RBM39: variants seen among roughly 807,000 people sequenced by gnomAD.
The protein encoded by RBM39 is RNA binding motif protein 39, also known as RNA-binding protein 39.
RBM39 carries 12 observed loss-of-function variants against 79.6 expected under a neutral mutation model. The observed-to-expected ratio is 0.15, with a 90% CI of 0.10 to 0.24. The LOEUF is 0.24. RBM39 is among the 10% of genes least tolerant of loss of function. The pLI is 1.00. For synonymous variants in RBM39, 185 were observed against 208.4 expected (o/e 0.89, Z 0.97); for missense variants, 243 against 653.4 (o/e 0.37, Z 6.85).
At chr20:35,708,116 G>A (rs2035968457) in intron 13 of RBM39, 1 of 233,746 alleles carries the variant, frequency 4.3e-6, no homozygotes, top group Non-Finnish European at 9.0e-6. Context: ...ATAACTTTCT[G>A]GTAGCATTAC....
chr20:35,724,809 A>G, intron 7 of RBM39, 87 bp from the exon 8 acceptor site: 2 of 1,432,458 alleles, frequency 1.4e-6, no homozygotes. Context: ...GGATGAAGGT[A>G]TTTTTAAAAA....
At chr20:35,706,293 G>A (rs1053094470) in intron 14 of RBM39, among the ~76,000 whole-genome samples, 6 of 152,134 alleles carry the variant, frequency 3.9e-5, no homozygotes, top group Non-Finnish European at 7.3e-5. Context: ...GATAGAGCCG[G>A]TGGCGCCACT....
At chr20:35,739,503 T>C (rs778462531) in intron 2 of RBM39, 2 of 471,050 alleles carry the variant, frequency 4.2e-6, no homozygotes, top group Non-Finnish European at 8.8e-6. Context: ...CGTTGGAGGG[T>C]TGGGACTGTA....
intron 13 of RBM39, among the ~76,000 whole-genome samples, chr20:35,708,423 T>C (rs1260822342): frequency 6.6e-6 from 1 of 152,120 alleles, no homozygotes; most frequent in African/African-American, 2.4e-5. Flanking sequence ...AAACGTACTA[T>C]ACAAACATTC....
chr20:35,706,269 T>C (rs907282230), intron 14 of RBM39, among the ~76,000 whole-genome samples: 1 of 152,056 alleles, frequency 6.6e-6, no homozygotes, highest in Admixed American at 6.6e-5. Context: ...GAGATGGAGG[T>C]TGCAGTGAGC....
rs1449581528 is a variant in RBM39 at position 35,702,349 on chromosome 20, GCTGTTTTCTATGCACGACA to G, written c.*2113_*2131del. 6.6e-6 allele frequency: 1 copy of G among 152,220 alleles called. No individual in the cohort carries two copies. Among genetic ancestry groups the G allele is most frequent in the African/African-American group, 2.4e-5 (1 of 41,450 alleles). The allele number at this position is 152,220 out of a possible 1,614,324, so 9.4% of individuals were successfully genotyped here. A position where few individuals can be genotyped will look rare whatever the true frequency, so the allele number is the denominator to read the frequency against. ...ACATAAACAGTTTCACTCAGAATGA[GCTGTTTTCTATGCACGACA>G]CTATTCAAGTTACTACACTCCAACC... On this transcript the variant is annotated 3_prime_UTR_variant, in exon 17 of 17. Coordinates refer to ENST00000253363, the MANE Select transcript of RBM39 (RefSeq NM_184234.3).
At chr20:35,737,239 A>C (rs1484170456) in intron 3 of RBM39, among the ~76,000 whole-genome samples, 1 of 151,652 alleles carries the variant, frequency 6.6e-6, no homozygotes, top group Admixed American at 6.6e-5. Context: ...AAAGTACAAA[A>C]ATTAGCCAGG....
chr20:35,724,536 C>T (rs375951114), intron 8 of RBM39, 34 bp downstream of exon 8: 5 of 1,606,366 alleles, frequency 3.1e-6, no homozygotes, highest in Non-Finnish European at 3.4e-6. Flanking sequence ...TCAACACCAC[C>T]AATAATCAAA....
Position 35,716,821 on chromosome 20 carries a change from A to G in RBM39, c.826-16T>C, listed in dbSNP as rs1318387424. ...TACTTTCAATCTATAATTGAAAAGC[A>G]TAATTACTATAACTTAAAAGCAGAG... On this transcript the variant is annotated splice_polypyrimidine_tract_variant and intron_variant, in intron 9 of 16. Transcript: ENST00000253363. 1.9e-6 allele frequency: 3 copies of G among 1,553,926 alleles called. No individual in the cohort carries two copies. The highest frequency in any genetic ancestry group is 1.4e-5 in the African/African-American group (1 of 73,048).
chr20:35,740,788 G>A, intron 2 of RBM39, 36 bp downstream of exon 2: 1 of 1,580,994 alleles, frequency 6.3e-7, no homozygotes, highest in Non-Finnish European at 8.6e-7. Flanking sequence ...GCTAAATTAA[G>A]AAATATATAA....
In RBM39 at chr20:35,742,036, T is replaced by C. The variant is rs1422156461; in HGVS notation, c.-109A>G. 1.3e-5 allele frequency: 3 copies of C among 238,274 alleles called. No homozygotes were observed. The highest frequency in any genetic ancestry group is 5.0e-5 in the Admixed American group (1 of 20,094). The allele number at this position is 238,274 out of a possible 1,614,324, so 14.8% of individuals were successfully genotyped here. A position where few individuals can be genotyped will look rare whatever the true frequency, so the allele number is the denominator to read the frequency against. The stretch of plus-strand genomic sequence containing the variant: ...CCGCCGCCGCCGCTTCTGTTGCTAC[T>C]GTTAAGCCCCTAGGCCCAGGCCGCG... On this transcript the variant is annotated 5_prime_UTR_variant, in exon 1 of 17. Transcript: ENST00000253363.
intron 14 of RBM39, among the ~76,000 whole-genome samples, chr20:35,705,775 GT>G (rs1466270344): frequency 2.0e-5 from 3 of 149,118 alleles, no homozygotes; most frequent in Admixed American, 6.7e-5. Context: ...GCCAGCCTAG[GT>G]AACTCCGTCT....
At chr20:35,728,560 T>C (rs2146662972) in intron 6 of RBM39, among the ~76,000 whole-genome samples, 1 of 152,148 alleles carries the variant, frequency 6.6e-6, no homozygotes, top group Non-Finnish European at 1.5e-5. Context: ...GGGCAGATCA[T>C]GAGCTCAGGA....
rs1167521220 is a variant in RBM39 at position 35,718,453 on chromosome 20, ACTAT to A, written c.826-1652_826-1649del. On this transcript the variant is annotated intron_variant, in intron 9 of 16. Coordinates refer to ENST00000253363, the MANE Select transcript of RBM39 (RefSeq NM_184234.3). The stretch of plus-strand genomic sequence containing the variant: ...TGTAGGTGTGAGCTGACATGGGCAG[ACTAT>A]CTGAGCTCAGGAGTTCGAGACCAGC... Among the ~76,000 whole-genome samples, 260 of 152,218 alleles carry A rather than the reference ACTAT, an allele frequency of 1.7e-3. 5 individuals carry two copies. Among genetic ancestry groups the A allele is most frequent in the Admixed American group, 0.017 (259 of 15,284 alleles).
At chr20:35,727,748 C>G (rs559917729) in intron 6 of RBM39, among the ~76,000 whole-genome samples, 1 of 151,416 alleles carries the variant, frequency 6.6e-6, no homozygotes, top group Admixed American at 6.6e-5. Flanking sequence ...CTCTTGGGTT[C>G]AAGCGATTCT....
intron 13 of RBM39, among the ~76,000 whole-genome samples, chr20:35,708,456 G>C (rs2036013279): frequency 6.6e-6 from 1 of 152,086 alleles, no homozygotes. Flanking sequence ...GATCAATGCA[G>C]AACACAGTAA....
At position 35,729,370 on chromosome 20, in the gene RBM39, A is replaced by C; in HGVS notation, c.363-5T>G. 6.2e-7 allele frequency: 1 copy of C among 1,606,054 alleles called. No homozygotes were observed. Among genetic ancestry groups the C allele is most frequent in the Non-Finnish European group, 8.5e-7 (1 of 1,178,214 alleles). On this transcript the variant is annotated splice_polypyrimidine_tract_variant and splice_region_variant and intron_variant, in intron 5 of 16. Coordinates refer to ENST00000253363, the MANE Select transcript of RBM39 (RefSeq NM_184234.3). ...TTGCTTCGGGAACGTCGTCTGCTGC[A>C]AAGTTAAAAAGTTTCAGAAGTTATC... is the stretch of plus-strand genomic sequence containing the variant.
At chr20:35,705,609 CCATG>C (rs957386401) in intron 14 of RBM39, among the ~76,000 whole-genome samples, 3 of 151,722 alleles carry the variant, frequency 2.0e-5, no homozygotes, top group African/African-American at 7.3e-5. Flanking sequence ...ACCAGCCTGG[CCATG>C]ATGGAGAAAT....
intron 11 of RBM39, chr20:35,713,954 TAAAGG>T (rs1249378578): frequency 6.0e-6 from 3 of 502,124 alleles, no homozygotes; most frequent in African/African-American, 5.9e-5. Context: ...AAACACTACA[TAAAGG>T]AAAAGAAATC....
Sources: allele counts gnomAD v4.1 joint callset (sites outside exome capture counted in the v4.1 genomes callset), GRCh38; gene constraint gnomAD v4.1.1; transcripts MANE v1.5; gene names NCBI Gene and HGNC (gene_info 2026-07-23, HGNC 2026-07-21).